TLK1: variants seen among roughly 807,000 people sequenced by gnomAD.
TLK1 encodes tousled like kinase 1.
TLK1 carries 24 observed loss-of-function variants against 105.3 expected under a neutral mutation model. That is an observed-to-expected ratio of 0.23 (90% CI 0.17 to 0.32). TLK1 has a LOEUF of 0.32. Ranked by LOEUF, TLK1 falls within the 10% of genes least tolerant of loss-of-function variation. The pLI, the probability that TLK1 is intolerant of heterozygous loss-of-function variation, is 1.00. For missense variants in TLK1, 558 were observed against 910.5 expected, an observed-to-expected ratio of 0.61 and a Z score of 4.98; for synonymous variants, 321 against 310.4, an observed-to-expected ratio of 1.03 and a Z score of -0.36.
intron 3 of TLK1, among the ~76,000 whole-genome samples, chr2:171,080,793 G>A (rs899688395): frequency 2.7e-5 from 4 of 150,514 alleles, no homozygotes; most frequent in Admixed American, 1.3e-4. Context: ...TTGCAGCTTC[G>A]ACTTCCTTGG....
chr2:171,096,186 G>A (rs1484453338), intron 2 of TLK1, among the ~76,000 whole-genome samples: 1 of 152,038 alleles, frequency 6.6e-6, no homozygotes, highest in Non-Finnish European at 1.5e-5. Context: ...AAAGTTGCAA[G>A]ATAACAAAAT....
intron 2 of TLK1, among the ~76,000 whole-genome samples, chr2:171,098,547 A>C (rs1689551342): frequency 6.6e-6 from 1 of 152,218 alleles, no homozygotes; most frequent in African/African-American, 2.4e-5. Context: ...AAATTCCACC[A>C]AATATGTAAA....
chr2:171,049,749 A>T, intron 10 of TLK1, 65 bp downstream of exon 10: 1 of 1,584,880 alleles, frequency 6.3e-7, no homozygotes, highest in South Asian at 1.1e-5. Flanking sequence ...ACAAATCTAT[A>T]ATCTTTTAAA....
chr2:171,051,609 T>C (rs767556621), intron 8 of TLK1, among the ~76,000 whole-genome samples: 1 of 152,190 alleles, frequency 6.6e-6, no homozygotes, highest in Non-Finnish European at 1.5e-5. Flanking sequence ...AGTAATAATA[T>C]CTGAGCTGCC....
intron 3 of TLK1, among the ~76,000 whole-genome samples, chr2:171,065,206 CATTACAGAAA>C (rs967383929): frequency 1.1e-4 from 16 of 151,934 alleles, no homozygotes; most frequent in African/African-American, 3.9e-4. Flanking sequence ...GAAATAAATG[CATTACAGAAA>C]ATTTTACAGT....
intron 2 of TLK1, among the ~76,000 whole-genome samples, chr2:171,117,043 C>T (rs148696802): frequency 1.3e-5 from 2 of 152,230 alleles, no homozygotes; most frequent in Non-Finnish European, 2.9e-5. Context: ...AAAGGCTGAA[C>T]ACAGCAATAC....
chr2:171,199,589 G>C (rs144966891), intron 1 of TLK1, among the ~76,000 whole-genome samples: 25 of 152,162 alleles, frequency 1.6e-4, no homozygotes, highest in Non-Finnish European at 3.1e-4. Flanking sequence ...CTAAAGCCCA[G>C]AATCAGTCTG....
intron 1 of TLK1, among the ~76,000 whole-genome samples, chr2:171,205,323 C>CTT (rs10714396): frequency 2.1e-5 from 3 of 145,962 alleles, no homozygotes; most frequent in Non-Finnish European, 3.0e-5. Context: ...TCTAAGACAG[C>CTT]TTTTTTTTTT....
rs769971154 is a variant in TLK1, at chr2:171,188,444, G to A, written c.-6+42701C>T. 9.5e-4 allele frequency among the ~76,000 whole-genome samples: 144 copies of A among 152,070 alleles called. 2 individuals are homozygous for A. The highest frequency in any genetic ancestry group is 4.4e-4 in the Non-Finnish European group (30 of 68,008). ...AATTAGGCCAAGCACGGTGGTTCAC[G>A]CCTGTAATCCCAGCACTTTGGGAGG... On this transcript the variant is annotated intron_variant, in intron 1 of 20. Coordinates refer to the TLK1 transcript ENST00000521943.
intron 11 of TLK1, among the ~76,000 whole-genome samples, chr2:171,038,309 T>C (rs1686476728): frequency 6.6e-6 from 1 of 152,290 alleles, no homozygotes; most frequent in South Asian, 2.1e-4. Flanking sequence ...CTGTATTGTA[T>C]GTGTGTTTCC....
chr2:171,051,247 A>G (rs1022971490), intron 8 of TLK1, among the ~76,000 whole-genome samples: 2 of 152,194 alleles, frequency 1.3e-5, no homozygotes, highest in South Asian at 4.1e-4. Flanking sequence ...ACCATGTATC[A>G]TGACTTAACA....
intron 1 of TLK1, among the ~76,000 whole-genome samples, chr2:171,145,844 A>G (rs1424527983): frequency 6.6e-6 from 1 of 152,162 alleles, no homozygotes; most frequent in African/African-American, 2.4e-5. Flanking sequence ...GCGTGGATCC[A>G]TTTATATCAA....
chr2:171,101,172 C>G (rs1689672289), intron 2 of TLK1, among the ~76,000 whole-genome samples: 1 of 151,892 alleles, frequency 6.6e-6, no homozygotes, highest in Non-Finnish European at 1.5e-5. Flanking sequence ...ATGGTGAGAC[C>G]TCATCTCTAC....
intron 3 of TLK1, among the ~76,000 whole-genome samples, chr2:171,068,021 C>CT (rs1449651509): frequency 6.6e-6 from 1 of 151,990 alleles, no homozygotes; most frequent in African/African-American, 2.4e-5. Flanking sequence ...AAAAAGTGAT[C>CT]TTTTTTTCCT....
rs776243926 is a variant in TLK1, at chr2:171,049,965, A to G, written c.844-15T>C. ...TCTTGTGTACTCTGAAAAGGAGAAA[A>G]AAAATCATCACTCAATTGTATTCAT... On this transcript the variant is annotated splice_polypyrimidine_tract_variant and intron_variant, in intron 9 of 20. Coordinates refer to ENST00000431350, the MANE Select transcript of TLK1 (RefSeq NM_012290.5). 6.2e-7 allele frequency: 1 copy of G among 1,613,468 alleles called. No individual in the cohort carries two copies. The highest frequency in any genetic ancestry group is 1.1e-5 in the South Asian group (1 of 90,998).
intron 11 of TLK1, among the ~76,000 whole-genome samples, chr2:171,036,746 C>A (rs1407755745): frequency 6.6e-6 from 1 of 152,170 alleles, no homozygotes; most frequent in African/African-American, 2.4e-5. Context: ...CCAAGTCTCA[C>A]TCATATCTCA....
intron 1 of TLK1, among the ~76,000 whole-genome samples, chr2:171,140,082 T>G (rs1413219972): frequency 6.6e-6 from 1 of 152,146 alleles, no homozygotes; most frequent in Non-Finnish European, 1.5e-5. Flanking sequence ...AGTACAGGTA[T>G]GCAGCCCTGG....
chr2:171,097,622 C>T (rs183882790), intron 2 of TLK1, among the ~76,000 whole-genome samples: 4 of 152,120 alleles, frequency 2.6e-5, no homozygotes, highest in Admixed American at 1.3e-4. Context: ...AGCAAGACAA[C>T]AACCTAATTT....
intron 3 of TLK1, among the ~76,000 whole-genome samples, chr2:171,076,113 G>C (rs893377909): frequency 6.6e-6 from 1 of 152,080 alleles, no homozygotes; most frequent in African/African-American, 2.4e-5. Context: ...AGCTACTCAG[G>C]GGGCTGAAGG....
Sources: allele counts gnomAD v4.1 joint callset (sites outside exome capture counted in the v4.1 genomes callset), GRCh38; gene constraint gnomAD v4.1.1; transcripts MANE v1.5; gene names NCBI Gene and HGNC (gene_info 2026-07-23, HGNC 2026-07-21).